Variants in GALNT10 observed in about 807,000 individuals in gnomAD.
GALNT10 encodes GalNAc transferase 10.
Under a neutral mutation model 75.0 loss-of-function variants are expected in GALNT10, and 41 were observed. The observed-to-expected ratio is 0.55, with a 90% CI of 0.43 to 0.71. GALNT10 has a LOEUF of 0.71. GALNT10 is among the 30% of genes least tolerant of loss of function. The probability of loss-of-function intolerance (pLI) is 0.00; values close to 1 mark genes in which losing one functional copy is unlikely to be tolerated. For missense variants in GALNT10, 727 were observed against 818.5 expected, an observed-to-expected ratio of 0.89 and a Z score of 1.36; for synonymous variants, 302 against 313.0, an observed-to-expected ratio of 0.96 and a Z score of 0.37.
At chr5:154,246,466 A>C (rs562631036) in intron 1 of GALNT10, among the ~76,000 whole-genome samples, 1 of 152,250 alleles carries the variant, frequency 6.6e-6, no homozygotes, top group South Asian at 2.1e-4. Flanking sequence ...CCTCTCCAGC[A>C]CCTGTTGTTT....
In GALNT10 at chr5:154,417,062, G is replaced by A; in HGVS notation, c.*90G>A. 8.6e-7 allele frequency: 1 copy of A among 1,167,158 alleles called. No individual in the cohort carries two copies. The highest frequency in any genetic ancestry group is 1.3e-5 in the South Asian group (1 of 74,564). 72.3% of individuals were successfully genotyped at this position (1,167,158 alleles called of 1,614,324 possible). On this transcript the variant is annotated 3_prime_UTR_variant, in exon 12 of 12. Transcript: ENST00000297107. Reference sequence around the variant, plus strand: ...GGAGGCAGGGCCCCTGTGGGCACTAGGTGTAAAAGGTGCTGGCCAAATGGT... The same window carrying A: ...GGAGGCAGGGCCCCTGTGGGCACTAAGTGTAAAAGGTGCTGGCCAAATGGT...
At chr5:154,229,083 A>G (rs1183215855) in intron 1 of GALNT10, among the ~76,000 whole-genome samples, 6 of 152,170 alleles carry the variant, frequency 3.9e-5, no homozygotes, top group Non-Finnish European at 8.8e-5. Context: ...CTTCTCTGGT[A>G]ACGTGGGATT....
At position 154,250,107 on chromosome 5, in the gene GALNT10, G is replaced by A. The variant is rs560798003; in HGVS notation, c.160-44709G>A. On this transcript the variant is annotated intron_variant, in intron 1 of 11. Coordinates refer to ENST00000297107, the MANE Select transcript of GALNT10 (RefSeq NM_198321.4). ...CGTTCCCGGGGATCAACTCCTTTAAGAGCTTGACACCAGCTAGACTTGTGC... is the reference window on the plus strand; with the variant it reads ...CGTTCCCGGGGATCAACTCCTTTAAAAGCTTGACACCAGCTAGACTTGTGC... Among the ~76,000 whole-genome samples the A allele has an allele frequency of 1.1e-4, 16 of 152,270 alleles. No individual in the cohort carries two copies. The East Asian group carries it at 2.7e-3, about 26-fold the overall frequency.
At chr5:154,383,974 T>A (rs1309717848) in intron 6 of GALNT10, among the ~76,000 whole-genome samples, 2 of 152,070 alleles carry the variant, frequency 1.3e-5, no homozygotes, top group African/African-American at 4.8e-5. Flanking sequence ...AAACTTACAG[T>A]CATGGCAGAG....
chr5:154,416,617 C>T lies in GALNT10; in HGVS notation c.1654-197C>T, dbSNP rs1212367447. Among the ~76,000 whole-genome samples the T allele has an allele frequency of 6.6e-6, 1 of 152,036 alleles. No homozygotes were observed. Among genetic ancestry groups the T allele is most frequent in the Non-Finnish European group, 1.5e-5 (1 of 68,016 alleles). ...TCTGGCCACATCCCAGCGGGCAGAA[C>T]CCAGTCCCACGGCAATACCAGCTGC... On this transcript the variant is annotated intron_variant, in intron 11 of 11. Transcript: ENST00000297107. The surrounding 1 kb of genome is among the most constrained non-coding windows in gnomAD (Gnocchi z 4.5).
chr5:154,414,267 A>C (rs1756459714), intron 10 of GALNT10, among the ~76,000 whole-genome samples: 1 of 152,222 alleles, frequency 6.6e-6, no homozygotes, highest in Admixed American at 6.5e-5. Flanking sequence ...GTATTTATCC[A>C]AGAGAAAGAA....
At chr5:154,359,353 T>A (rs1755346159) in intron 4 of GALNT10, among the ~76,000 whole-genome samples, 2 of 152,070 alleles carry the variant, frequency 1.3e-5, no homozygotes, top group African/African-American at 2.4e-5. Context: ...GGAGCAGTCC[T>A]GCCTCTGGCC....
chr5:154,401,715 A>G (rs1030488996), intron 7 of GALNT10, among the ~76,000 whole-genome samples: 1 of 152,096 alleles, frequency 6.6e-6, no homozygotes, highest in African/African-American at 2.4e-5. Context: ...GCCAGAGTAC[A>G]TCAGGGCTGG....
At chr5:154,372,711 G>A (rs1328952012) in intron 4 of GALNT10, among the ~76,000 whole-genome samples, 1 of 152,098 alleles carries the variant, frequency 6.6e-6, no homozygotes, top group African/African-American at 2.4e-5. Flanking sequence ...AGCTCCGGGG[G>A]TTGTTGGCCG....
intron 3 of GALNT10, among the ~76,000 whole-genome samples, chr5:154,306,192 T>C (rs1275343343): frequency 6.6e-6 from 1 of 152,070 alleles, no homozygotes. Flanking sequence ...TTGACATTTA[T>C]AGAACACTCC....
chr5:154,218,539 G>A (rs1237542204), intron 1 of GALNT10, among the ~76,000 whole-genome samples: 4 of 152,194 alleles, frequency 2.6e-5, no homozygotes, highest in Non-Finnish European at 5.9e-5. Flanking sequence ...GTTGTAAAAT[G>A]TAGAGTGCTA....
At chr5:154,254,840 T>G (rs1199069845) in intron 1 of GALNT10, among the ~76,000 whole-genome samples, 1 of 152,182 alleles carries the variant, frequency 6.6e-6, no homozygotes, top group Non-Finnish European at 1.5e-5. Flanking sequence ...AACAAGAAGT[T>G]CAGGGGCAGG....
Position 154,298,277 on chromosome 5 carries a change from T to C in GALNT10, c.401+198T>C, listed in dbSNP as rs770477030. On this transcript the variant is annotated intron_variant, in intron 3 of 11. Coordinates refer to ENST00000297107, the MANE Select transcript of GALNT10 (RefSeq NM_198321.4). This position sits in a 1 kb window ranked among gnomAD's most constrained non-coding sequence, Gnocchi z 4.1. ...CCAGATGAGCCAGCCTCCTTCCTCT[T>C]TTCAGGAGGTGGAACTATGTAGCCT... Among the ~76,000 whole-genome samples, 14 of 152,180 alleles carry C rather than the reference T, an allele frequency of 9.2e-5. No homozygotes were observed. Among genetic ancestry groups the C allele is most frequent in the Non-Finnish European group, 1.3e-4 (9 of 68,034 alleles).
At chr5:154,322,836 C>T (rs1056968393) in intron 3 of GALNT10, among the ~76,000 whole-genome samples, 1 of 152,172 alleles carries the variant, frequency 6.6e-6, no homozygotes, top group Non-Finnish European at 1.5e-5. Context: ...TCACACTGCC[C>T]TACAGCTACA....
At chr5:154,292,960 G>A (rs927135126) in intron 1 of GALNT10, among the ~76,000 whole-genome samples, 3 of 151,022 alleles carry the variant, frequency 2.0e-5, no homozygotes, top group African/African-American at 7.4e-5. Context: ...AAAGCATGCC[G>A]CCTTAGTTTT....
rs1581960221 is a variant in GALNT10, at chr5:154,294,772, G to T, written c.160-44G>T. 11 of 1,027,206 alleles carry T rather than the reference G, an allele frequency of 1.1e-5. No individual in the cohort carries two copies. The East Asian group carries it at 1.9e-4, about 18-fold the overall frequency. The allele number at this position is 1,027,206 out of a possible 1,614,324, so 63.6% of individuals were successfully genotyped here. On this transcript the variant is annotated intron_variant, in intron 1 of 11. Coordinates refer to ENST00000297107, the MANE Select transcript of GALNT10 (RefSeq NM_198321.4). ...GTGTAACTCCTGGGCCTGTGTTACT[G>T]ATTTGCCCTTTTCTATTTTTCATAG...
chr5:154,409,874 T>TA lies in GALNT10; in HGVS notation c.1386+116dup. The TA allele has an allele frequency of 1.4e-6, 1 of 730,738 alleles. No homozygotes were observed. The highest frequency in any genetic ancestry group is 2.4e-6 in the Non-Finnish European group (1 of 421,096). 45.3% of individuals were successfully genotyped at this position (730,738 alleles called of 1,614,324 possible). A position where few individuals can be genotyped will look rare whatever the true frequency, so the allele number is the denominator to read the frequency against. ...AGTGCAGGGAGGAAAGGCGTGAATATAAAATCGTTTCCTTTCTTTCCTGGT... is the reference window on the plus strand; with the variant it reads ...AGTGCAGGGAGGAAAGGCGTGAATATAAAAATCGTTTCCTTTCTTTCCTGGT... On this transcript the variant is annotated intron_variant, in intron 9 of 11. Coordinates refer to ENST00000297107, the MANE Select transcript of GALNT10 (RefSeq NM_198321.4). The surrounding 1 kb of genome is among the most constrained non-coding windows in gnomAD (Gnocchi z 4.5).
intron 2 of GALNT10, among the ~76,000 whole-genome samples, chr5:154,296,611 C>A (rs1456650785): frequency 1.3e-5 from 2 of 152,120 alleles, no homozygotes; most frequent in Non-Finnish European, 2.9e-5. Context: ...TGAACCTTCT[C>A]ATTCTAATTA....
Position 154,190,911 on chromosome 5 carries a change from G to GCTGGCGGCCCTGGTC in GALNT10, c.48_62dup (p.Ala17_Leu21dup), listed in dbSNP as rs1445834980. The GCTGGCGGCCCTGGTC allele has an allele frequency of 7.7e-5, 114 of 1,482,902 alleles. No homozygotes were observed. The highest frequency in any genetic ancestry group is 9.2e-5 in the Non-Finnish European group (103 of 1,116,050). The allele number at this position is 1,482,902 out of a possible 1,614,324, so 91.9% of individuals were successfully genotyped here. On this transcript the variant is annotated inframe_insertion, in exon 1 of 12. Transcript: ENST00000297107. Reference sequence around the variant, plus strand: ...GGCTCCTGCAGGCGGTGGCGCTGGTGCTGGCGGCCCTGGTCCTCCTGCCCA... The same window carrying GCTGGCGGCCCTGGTC: ...GGCTCCTGCAGGCGGTGGCGCTGGTGCTGGCGGCCCTGGTCCTGGCGGCCCTGGTCCTCCTGCCCA...
Sources: allele counts gnomAD v4.1 joint callset (sites outside exome capture counted in the v4.1 genomes callset), GRCh38; gene constraint gnomAD v4.1.1; non-coding constraint Gnocchi (gnomAD v3.1); transcripts MANE v1.5; gene names NCBI Gene and HGNC (gene_info 2026-07-23, HGNC 2026-07-21).